Variants in CNTN5 observed in about 807,000 individuals in gnomAD.
CNTN5 encodes contactin-5.
Under a neutral mutation model 129.1 loss-of-function variants are expected in CNTN5, and 77 were observed. The observed-to-expected ratio is 0.60, with a 90% CI of 0.50 to 0.72. CNTN5 has a LOEUF of 0.72. Among genes scored for constraint, CNTN5 ranks in the 30% least tolerant of loss-of-function variants. The pLI is 0.00. For missense variants in CNTN5, 1,478 were observed against 1,328.8 expected, an observed-to-expected ratio of 1.11 and a Z score of -1.75; for synonymous variants, 509 against 465.6, an observed-to-expected ratio of 1.09 and a Z score of -1.20.
At chr11:99,410,126 T>A (rs1286985307) in intron 2 of CNTN5, among the ~76,000 whole-genome samples, 3 of 152,200 alleles carry the variant, frequency 2.0e-5, no homozygotes, top group Non-Finnish European at 2.9e-5. Flanking sequence ...AAAGAATGAT[T>A]AATGACTTGA....
At chr11:99,283,118 C>T (rs766443377) in intron 1 of CNTN5, among the ~76,000 whole-genome samples, 15 of 152,036 alleles carry the variant, frequency 9.9e-5, no homozygotes, top group Admixed American at 9.2e-4. Flanking sequence ...GATTAGTCAA[C>T]GTAAAATGTT....
chr11:99,133,651 A>G, intron 1 of CNTN5, among the ~76,000 whole-genome samples: 1 of 148,408 alleles, frequency 6.7e-6, no homozygotes, highest in East Asian at 2.0e-4. Flanking sequence ...AGCTAACATG[A>G]AAAGAAGCTC....
At chr11:99,981,103 TAC>T (rs1555171291) in intron 8 of CNTN5, among the ~76,000 whole-genome samples, 2,747 of 52,770 alleles carry the variant, frequency 0.052, 147 homozygotes, top group Middle Eastern at 0.074. Flanking sequence ...TATATATATA[TAC>T]ACACACACAC....
chr11:99,870,290 C>T lies in CNTN5; in HGVS notation c.577+25028C>T, dbSNP rs188196421. Among the ~76,000 whole-genome samples the T allele has an allele frequency of 1.4e-3, 209 of 151,944 alleles. 1 individual carries two copies. The highest frequency in any genetic ancestry group is 1.9e-3 in the Admixed American group (29 of 15,210). Reference sequence around the variant, plus strand: ...GTGACAGTGTGAAAGTAATTTTGTCCAAGGAAAAAACAATGGTTTCCAAAC... The same window carrying T: ...GTGACAGTGTGAAAGTAATTTTGTCTAAGGAAAAAACAATGGTTTCCAAAC... On this transcript the variant is annotated intron_variant, in intron 6 of 24. Transcript: ENST00000524871.
intron 1 of CNTN5, among the ~76,000 whole-genome samples, chr11:99,285,434 G>A (rs1863889967): frequency 6.6e-6 from 1 of 151,996 alleles, no homozygotes; most frequent in African/African-American, 2.4e-5. Flanking sequence ...TCATGAGGAG[G>A]GAACATTGAT....
At chr11:100,297,496 C>T (rs1315413624) in intron 18 of CNTN5, 129 bp from the exon 19 acceptor site, 1 of 710,386 alleles carries the variant, frequency 1.4e-6, no homozygotes, top group South Asian at 1.6e-5. Flanking sequence ...GTTTCTGTCA[C>T]CAATATTTTG....
chr11:99,786,634 A>C (rs1036997795), intron 3 of CNTN5, among the ~76,000 whole-genome samples: 2 of 152,242 alleles, frequency 1.3e-5, no homozygotes, highest in African/African-American at 4.8e-5. Context: ...TGGAAACAGC[A>C]TGGTACTGGT....
chr11:99,686,356 T>C (rs1199627884), intron 3 of CNTN5, among the ~76,000 whole-genome samples: 3 of 151,984 alleles, frequency 2.0e-5, no homozygotes, highest in Non-Finnish European at 4.4e-5. Flanking sequence ...ATAAGTTTAT[T>C]TTTATTTTGA....
chr11:99,823,546 A>G (rs1329753711), intron 4 of CNTN5, among the ~76,000 whole-genome samples: 1 of 152,158 alleles, frequency 6.6e-6, no homozygotes, highest in Non-Finnish European at 1.5e-5. Context: ...ATTAGAAGAG[A>G]TATAATTCCA....
chr11:99,893,636 GA>G (rs1283505810), intron 6 of CNTN5, among the ~76,000 whole-genome samples: 1 of 151,696 alleles, frequency 6.6e-6, no homozygotes, highest in South Asian at 2.1e-4. Context: ...TGTGGGCAAA[GA>G]AAAAAAATCA....
chr11:99,404,983 C>G (rs776672381), intron 2 of CNTN5, among the ~76,000 whole-genome samples: 1 of 152,046 alleles, frequency 6.6e-6, no homozygotes, highest in Non-Finnish European at 1.5e-5. Context: ...ATAATTTCAC[C>G]GAATATACTA....
chr11:99,701,141 A>G lies in CNTN5; in HGVS notation c.56-118403A>G, dbSNP rs1245741409. Among the ~76,000 whole-genome samples the G allele has an allele frequency of 2.0e-5, 3 of 151,342 alleles. 1 individual carries two copies. The Admixed American group carries it at 2.0e-4, about 10-fold the overall frequency. On this transcript the variant is annotated intron_variant, in intron 3 of 24. Transcript: ENST00000524871. ...TATGTGCTGATTCACTGAAGGGCAT[A>G]TGGAAATCAAAAGCAAAGTCTTGTT...
chr11:99,797,199 A>G (rs144770862), intron 3 of CNTN5, among the ~76,000 whole-genome samples: 123 of 152,228 alleles, frequency 8.1e-4, no homozygotes, highest in African/African-American at 2.8e-3. Flanking sequence ...TCTGTGTACT[A>G]CTGTGATGAA....
At chr11:99,089,304 G>A (rs1317190952) in intron 1 of CNTN5, among the ~76,000 whole-genome samples, 2 of 152,076 alleles carry the variant, frequency 1.3e-5, no homozygotes, top group Admixed American at 6.5e-5. Flanking sequence ...CTTGTAAATA[G>A]CATTTATATA....
At chr11:99,647,633 A>G (rs1952014244) in intron 3 of CNTN5, among the ~76,000 whole-genome samples, 1 of 151,964 alleles carries the variant, frequency 6.6e-6, no homozygotes, top group Non-Finnish European at 1.5e-5. Context: ...CATAGTATGA[A>G]CATTTTAGCA....
At chr11:99,968,656 C>CTTTTT (rs71050037) in intron 8 of CNTN5, among the ~76,000 whole-genome samples, 28 of 73,910 alleles carry the variant, frequency 3.8e-4, no homozygotes, top group Non-Finnish European at 4.9e-4. Flanking sequence ...GCTTTGGGTA[C>CTTTTT]TTTTTTTTTT....
intron 9 of CNTN5, among the ~76,000 whole-genome samples, chr11:100,042,355 A>C (rs891573530): frequency 1.3e-5 from 2 of 152,000 alleles, no homozygotes; most frequent in Non-Finnish European, 2.9e-5. Context: ...TTCAGCTTCT[A>C]TCAAAGATAT....
chr11:100,001,078 C>T (rs969981431), intron 8 of CNTN5, among the ~76,000 whole-genome samples: 1 of 152,186 alleles, frequency 6.6e-6, no homozygotes. Context: ...TTCCCATTGT[C>T]TTCACTATTA....
At chr11:99,780,208 T>C (rs1461077791) in intron 3 of CNTN5, among the ~76,000 whole-genome samples, 1 of 152,044 alleles carries the variant, frequency 6.6e-6, no homozygotes, top group African/African-American at 2.4e-5. Context: ...ATTAAGCCTT[T>C]TGCATGCAGT....
Sources: allele counts gnomAD v4.1 joint callset (sites outside exome capture counted in the v4.1 genomes callset), GRCh38; gene constraint gnomAD v4.1.1; transcripts MANE v1.5; gene names NCBI Gene and HGNC (gene_info 2026-07-23, HGNC 2026-07-21).